SAMD3: variants seen among roughly 807,000 people sequenced by gnomAD.
The protein encoded by SAMD3 is sterile alpha motif domain-containing protein 3.
SAMD3 carries 63 observed loss-of-function variants against 58.5 expected under a neutral mutation model. The observed-to-expected ratio is 1.08, with a 90% CI of 0.88 to 1.33. The LOEUF (loss-of-function observed/expected upper bound fraction) is 1.33. SAMD3 is among the 40% of genes most tolerant of loss of function. The pLI is 0.00. For missense variants in SAMD3, 604 were observed against 608.4 expected (o/e 0.99, Z 0.08); for synonymous variants, 220 against 210.3 (o/e 1.05, Z -0.40).
At chr6:130,218,313 G>T (rs1389864386) in intron 1 of SAMD3, among the ~76,000 whole-genome samples, 1 of 152,188 alleles carries the variant, frequency 6.6e-6, no homozygotes, top group Non-Finnish European at 1.5e-5. Flanking sequence ...GCTGCAAACC[G>T]TGTGAACTTC....
chr6:130,257,099 T>C (rs1417770227), intron 2 of SAMD3, among the ~76,000 whole-genome samples: 1 of 152,042 alleles, frequency 6.6e-6, no homozygotes, highest in Non-Finnish European at 1.5e-5. Flanking sequence ...AAGACTAAGG[T>C]TGGGGTCCTA....
chr6:130,211,929 A>C (rs1477169766), intron 4 of SAMD3, among the ~76,000 whole-genome samples: 1 of 148,576 alleles, frequency 6.7e-6, no homozygotes, highest in Non-Finnish European at 1.5e-5. Flanking sequence ...GCCATCACAG[A>C]CTCTTTAGAA....
chr6:130,167,668 A>G (rs1266133933), intron 8 of SAMD3, among the ~76,000 whole-genome samples: 4 of 152,254 alleles, frequency 2.6e-5, no homozygotes, highest in African/African-American at 9.6e-5. Flanking sequence ...AAAAGAAAGC[A>G]GATTTATCAA....
chr6:130,217,726 CTTT>C (rs1796072837), intron 1 of SAMD3, among the ~76,000 whole-genome samples: 1 of 152,160 alleles, frequency 6.6e-6, no homozygotes, highest in Non-Finnish European at 1.5e-5. Context: ...CAAAAGAGCA[CTTT>C]TTAAGAAAAT....
At chr6:130,343,645 G>T (rs1228971559) in intron 1 of SAMD3, among the ~76,000 whole-genome samples, 2 of 152,116 alleles carry the variant, frequency 1.3e-5, no homozygotes, top group Non-Finnish European at 2.9e-5. Flanking sequence ...AGGAGAAAAG[G>T]TATCAGTGCT....
Position 130,339,684 on chromosome 6 carries a change from G to A in SAMD3, c.-304+25436C>T, listed in dbSNP as rs544769373. Among the ~76,000 whole-genome samples the A allele has an allele frequency of 1.7e-3, 257 of 152,196 alleles. 2 individuals are homozygous for A. The highest frequency in any genetic ancestry group is 6.1e-3 in the African/African-American group (252 of 41,524). On this transcript the variant is annotated intron_variant, in intron 1 of 13. Transcript: ENST00000368134. Reference sequence around the variant, plus strand: ...TTTTTATACCAGTATGAGAATGGACGAAATCCACATTTATGCTTTTTTTCC... The same window carrying A: ...TTTTTATACCAGTATGAGAATGGACAAAATCCACATTTATGCTTTTTTTCC...
chr6:130,167,019 G>C (rs1408807575), intron 8 of SAMD3, among the ~76,000 whole-genome samples: 1 of 152,044 alleles, frequency 6.6e-6, no homozygotes, highest in Non-Finnish European at 1.5e-5. Flanking sequence ...CCAAAGAAAG[G>C]ACACATAGCT....
At chr6:130,347,915 C>T (rs1777506750) in intron 1 of SAMD3, among the ~76,000 whole-genome samples, 1 of 152,126 alleles carries the variant, frequency 6.6e-6, no homozygotes, top group Admixed American at 6.5e-5. Flanking sequence ...AGAGTGGGGG[C>T]CAATATTCAA....
At chr6:130,237,421 C>T (rs982849756) in intron 2 of SAMD3, among the ~76,000 whole-genome samples, 1 of 152,076 alleles carries the variant, frequency 6.6e-6, no homozygotes, top group Non-Finnish European at 1.5e-5. Context: ...GTACTTGGTA[C>T]ATTTTGAATT....
intron 1 of SAMD3, among the ~76,000 whole-genome samples, chr6:130,351,470 G>C (rs1356356538): frequency 6.6e-6 from 1 of 152,236 alleles, no homozygotes; most frequent in South Asian, 2.1e-4. Flanking sequence ...AAAGACACAC[G>C]AAAAAATGCT....
upstream of SAMD3, among the ~76,000 whole-genome samples, chr6:130,226,867 T>A (rs1206671992): frequency 6.6e-6 from 1 of 152,236 alleles, no homozygotes; most frequent in East Asian, 1.9e-4. Flanking sequence ...ATTAAATTAG[T>A]AACATTGTGT....
intron 7 of SAMD3, among the ~76,000 whole-genome samples, chr6:130,179,816 T>TA (rs969641522): frequency 1.4e-5 from 2 of 146,086 alleles, no homozygotes; most frequent in African/African-American, 5.1e-5. Context: ...TATTCTTTTT[T>TA]TTTTTTTTTT....
chr6:130,196,464 C>A (rs1201135984), intron 5 of SAMD3, among the ~76,000 whole-genome samples: 1 of 152,178 alleles, frequency 6.6e-6, no homozygotes, highest in Non-Finnish European at 1.5e-5. Context: ...CATTTCCCCA[C>A]ATTTCCTTCT....
intron 2 of SAMD3, among the ~76,000 whole-genome samples, chr6:130,286,598 A>G (rs923821850): frequency 2.0e-5 from 3 of 152,216 alleles, no homozygotes; most frequent in African/African-American, 7.2e-5. Context: ...ATTGAAAATT[A>G]CATAGATATA....
chr6:130,255,981 T>A (rs1183630833), intron 2 of SAMD3, among the ~76,000 whole-genome samples: 1 of 151,996 alleles, frequency 6.6e-6, no homozygotes, highest in African/African-American at 2.4e-5. Flanking sequence ...GTTTTCTGGT[T>A]GTTTTGTAGG....
chr6:130,245,125 C>CA (rs1773497586), intron 2 of SAMD3, among the ~76,000 whole-genome samples: 1 of 152,166 alleles, frequency 6.6e-6, no homozygotes, highest in Non-Finnish European at 1.5e-5. Context: ...AAATGTACCA[C>CA]AAGACATTGG....
At position 130,279,055 on chromosome 6, in the gene SAMD3, C is replaced by T. The variant is rs557697950; in HGVS notation, c.-188+33923G>A. Among the ~76,000 whole-genome samples the T allele has an allele frequency of 2.0e-5, 3 of 152,230 alleles. No homozygotes were observed. The East Asian group carries it at 5.8e-4, about 29-fold the overall frequency. ...TCCACTACTTAACTTACTGTATGAC[C>T]TTGGCAAGTTATTTCACCATCATGA... On this transcript the variant is annotated intron_variant, in intron 2 of 13. Coordinates refer to the SAMD3 transcript ENST00000368134.
Position 130,150,711 on chromosome 6 carries a change from T to A in SAMD3, c.1023+4114A>T, listed in dbSNP as rs2152190. 3.6e-3 allele frequency among the ~76,000 whole-genome samples: 529 copies of A among 147,948 alleles called. 2 individuals are homozygous for A. The highest frequency in any genetic ancestry group is 0.013 in the African/African-American group (505 of 39,724). On this transcript the variant is annotated intron_variant, in intron 9 of 11. Transcript: ENST00000439090. ...AGGGTCTCTACACACTGGGCCAGAA[T>A]TCTTTTTTTTTTTTTTTTGAGACAG...
intron 2 of SAMD3, among the ~76,000 whole-genome samples, chr6:130,273,658 C>T (rs532324689): frequency 5.3e-5 from 8 of 149,538 alleles, no homozygotes; most frequent in Admixed American, 5.3e-4. Flanking sequence ...TTTGTATCTT[C>T]TGTATGTATT....
Sources: allele counts gnomAD v4.1 joint callset (sites outside exome capture counted in the v4.1 genomes callset), GRCh38; gene constraint gnomAD v4.1.1; transcripts MANE v1.5; gene names NCBI Gene and HGNC (gene_info 2026-07-23, HGNC 2026-07-21).